Variants in FXYD7 observed in about 807,000 individuals in gnomAD.
FXYD7 encodes the protein FXYD domain containing ion transport regulator 7, also known as FXYD domain-containing ion transport regulator 7.
A neutral mutation model predicts 15.3 loss-of-function variants in FXYD7; 7 were observed. The observed-to-expected ratio is 0.46, with a 90% CI of 0.26 to 0.86. FXYD7 has a LOEUF of 0.86. Ranked by LOEUF, FXYD7 falls within the 40% of genes least tolerant of loss-of-function variation. FXYD7 has a pLI of 0.16. For missense variants in FXYD7, 78 were observed against 100.6 expected, an observed-to-expected ratio of 0.78 and a Z score of 0.96; for synonymous variants, 39 against 39.3, an observed-to-expected ratio of 0.99 and a Z score of 0.03.
At chr19:35,152,081 ATGAGC>A (rs1348908200) in intron 5 of FXYD7, among the ~76,000 whole-genome samples, 2 of 140,950 alleles carry the variant, frequency 1.4e-5, no homozygotes, top group East Asian at 4.5e-4. Context: ...GGAGGTTGCA[ATGAGC>A]TGAGGTTGTG....
chr19:35,152,134 C>CA (rs71167517), intron 5 of FXYD7, among the ~76,000 whole-genome samples: 1,463 of 44,920 alleles, frequency 0.033, 79 homozygotes, highest in East Asian at 0.24. Context: ...GTGAGACTGT[C>CA]AAAAAAAAAA....
chr19:35,148,031 GAAAGAAAGA>G (rs1280203006), intron 1 of FXYD7, among the ~76,000 whole-genome samples: 1 of 12,450 alleles, frequency 8.0e-5, no homozygotes, highest in East Asian at 3.0e-3. Context: ...AAGAAGGAAA[GAAAGAAAGA>G]AAGAAAGAAA....
At chr19:35,144,067 T>A (rs1600490040) in intron 1 of FXYD7, among the ~76,000 whole-genome samples, 1 of 147,128 alleles carries the variant, frequency 6.8e-6, no homozygotes, top group Admixed American at 6.7e-5. Flanking sequence ...GAAAAAAAAA[T>A]GAGAGCCTGG....
Position 35,153,919 on chromosome 19 carries a change from C to T in FXYD7, c.*3C>T, listed in dbSNP as rs1481459306. 5.6e-6 allele frequency: 9 copies of T among 1,612,126 alleles called. No individual in the cohort carries two copies. Among genetic ancestry groups the T allele is most frequent in the South Asian group, 1.1e-5 (1 of 90,990 alleles). On this transcript the variant is annotated 3_prime_UTR_variant, in exon 6 of 6. Transcript: ENST00000270310. ...CCCCTGGTGGCGGCGGCGTGTAACA[C>T]CTTCCCGAGGAAACTCCGCTGCCGA...
chr19:35,148,026 G>GAAAGAAA (rs1555736952), intron 1 of FXYD7, among the ~76,000 whole-genome samples: 1 of 88,492 alleles, frequency 1.1e-5, no homozygotes, highest in African/African-American at 4.8e-5. Context: ...GAAGAAAGAA[G>GAAAGAAA]GAAAGAAAGA....
intron 5 of FXYD7, 94 bp downstream of exon 5, chr19:35,151,767 AG>A: frequency 1.6e-5 from 8 of 513,186 alleles, no homozygotes; most frequent in Non-Finnish European, 1.2e-5. Flanking sequence ...GACTGGACGC[AG>A]GGGGCGGAGG....
chr19:35,145,666 A>C (rs2065286661), intron 1 of FXYD7, among the ~76,000 whole-genome samples: 1 of 152,268 alleles, frequency 6.6e-6, no homozygotes, highest in South Asian at 2.1e-4. Context: ...GGGACCCTGA[A>C]GCAGCGTCTC....
At chr19:35,146,183 G>T (rs1295039624) in intron 1 of FXYD7, among the ~76,000 whole-genome samples, 1 of 151,946 alleles carries the variant, frequency 6.6e-6, no homozygotes, top group Admixed American at 6.6e-5. Flanking sequence ...TGTCATCCAG[G>T]CTGGAGTGCA....
rs781071858 is a variant in FXYD7 at position 35,153,881 on chromosome 19, C to T, written c.221-13C>T. On this transcript the variant is annotated splice_polypyrimidine_tract_variant and intron_variant, in intron 5 of 5. Transcript: ENST00000270310. ...CACCTTTCTAGTGGCTCACGCACCC[C>T]CTCTCTCCCCAGCCCCTGGTGGCGG... The T allele has an allele frequency of 6.2e-7, 1 of 1,612,724 alleles. No individual in the cohort carries two copies. Among genetic ancestry groups the T allele is most frequent in the Non-Finnish European group, 8.5e-7 (1 of 1,179,064 alleles).
intron 5 of FXYD7, among the ~76,000 whole-genome samples, chr19:35,153,128 T>C (rs1445664558): frequency 2.1e-5 from 3 of 146,340 alleles, no homozygotes; most frequent in Admixed American, 6.9e-5. Flanking sequence ...CTCAGCTTAT[T>C]ACAACACTGC....
chr19:35,151,485 C>T lies in FXYD7; in HGVS notation c.179+3C>T. 1 of 1,614,098 alleles carries T rather than the reference C, an allele frequency of 6.2e-7. No individual in the cohort carries two copies. Among genetic ancestry groups the T allele is most frequent in the Non-Finnish European group, 8.5e-7 (1 of 1,179,942 alleles). ...AAGGCGGACTCCAGGTCTGAGAGGTCTGGCAGCAGTGGGCAAAGAGCGGGA... is the reference window on the plus strand; with the variant it reads ...AAGGCGGACTCCAGGTCTGAGAGGTTTGGCAGCAGTGGGCAAAGAGCGGGA... On this transcript the variant is annotated splice_donor_region_variant and intron_variant, in intron 4 of 5. Coordinates refer to ENST00000270310, the MANE Select transcript of FXYD7 (RefSeq NM_022006.2).
intron 5 of FXYD7, among the ~76,000 whole-genome samples, chr19:35,152,494 G>A (rs895094780): frequency 6.6e-6 from 1 of 151,906 alleles, no homozygotes; most frequent in Non-Finnish European, 1.5e-5. Flanking sequence ...AGGGAGGGAA[G>A]GTTTCTGAAT....
At chr19:35,153,361 G>A (rs546675075) in intron 5 of FXYD7, among the ~76,000 whole-genome samples, 26 of 152,226 alleles carry the variant, frequency 1.7e-4, no homozygotes, top group African/African-American at 5.8e-4. Context: ...CGCTTGGCCT[G>A]TTTCATGTTT....
intron 2 of FXYD7, 58 bp from the exon 3 acceptor site, chr19:35,151,196 G>C: frequency 8.8e-7 from 1 of 1,133,952 alleles, no homozygotes; most frequent in Non-Finnish European, 1.3e-6. Context: ...CCAGGACTGG[G>C]CTCCAGGTGC....
chr19:35,150,109 A>G (rs953404845), intron 2 of FXYD7, among the ~76,000 whole-genome samples: 3 of 152,008 alleles, frequency 2.0e-5, no homozygotes, highest in African/African-American at 7.2e-5. Context: ...AAGAGACAGG[A>G]TTTCACCATG....
chr19:35,145,500 C>T (rs1221390825), intron 1 of FXYD7, among the ~76,000 whole-genome samples: 3 of 152,202 alleles, frequency 2.0e-5, no homozygotes. Flanking sequence ...GACAATCCAC[C>T]TTTTACAGCC....
At chr19:35,147,305 C>T (rs552158495) in intron 1 of FXYD7, among the ~76,000 whole-genome samples, 29 of 152,308 alleles carry the variant, frequency 1.9e-4, no homozygotes, top group African/African-American at 6.3e-4. Flanking sequence ...AGAACACCAA[C>T]GACATCAGGC....
intron 2 of FXYD7, among the ~76,000 whole-genome samples, chr19:35,150,672 G>A (rs973632202): frequency 7.2e-5 from 11 of 152,188 alleles, no homozygotes; most frequent in African/African-American, 2.7e-4. Context: ...CCCAGGAACA[G>A]TGGGGAGGCC....
intron 1 of FXYD7, among the ~76,000 whole-genome samples, chr19:35,145,184 G>T (rs2065285031): frequency 6.6e-6 from 1 of 152,148 alleles, no homozygotes; most frequent in Non-Finnish European, 1.5e-5. Flanking sequence ...CCAGCCTGGG[G>T]TGGCGGGACC....
Sources: allele counts gnomAD v4.1 joint callset (sites outside exome capture counted in the v4.1 genomes callset), GRCh38; gene constraint gnomAD v4.1.1; transcripts MANE v1.5; gene names NCBI Gene and HGNC (gene_info 2026-07-23, HGNC 2026-07-21).